The following G3BP2 variants were observed in gnomAD, a reference collection of about 807,000 sequenced individuals.
G3BP2 encodes the protein G3BP stress granule assembly factor 2.
Under a neutral mutation model 56.7 loss-of-function variants are expected in G3BP2, and 11 were observed. The ratio of observed to expected loss-of-function variants is 0.19; its 90% CI spans 0.12 to 0.32. The LOEUF (loss-of-function observed/expected upper bound fraction) is 0.32, where lower values mean the gene tolerates loss of function less well. G3BP2 is among the 10% of genes least tolerant of loss of function. G3BP2 has a pLI of 1.00. For missense variants in G3BP2, 340 were observed against 610.9 expected (o/e 0.56, Z 4.67); for synonymous variants, 165 against 191.6 (o/e 0.86, Z 1.15).
chr4:75,667,513 A>G (rs902297471), intron 1 of G3BP2, among the ~76,000 whole-genome samples: 2 of 152,204 alleles, frequency 1.3e-5, no homozygotes, highest in Non-Finnish European at 2.9e-5. Context: ...AGGAATGCAC[A>G]GTGTAAAATT....
At chr4:75,669,851 G>A (rs1733345088) in intron 1 of G3BP2, among the ~76,000 whole-genome samples, 1 of 152,048 alleles carries the variant, frequency 6.6e-6, no homozygotes, top group Admixed American at 6.6e-5. Context: ...CTAGCACTTC[G>A]GGAGGCCGAG....
At chr4:75,681,507 T>C (rs1474199992) in intron 3 of G3BP2, among the ~76,000 whole-genome samples, 1 of 152,002 alleles carries the variant, frequency 6.6e-6, no homozygotes, top group Non-Finnish European at 1.5e-5. Flanking sequence ...CGATAAAGTT[T>C]ATACATTAGG....
chr4:75,719,122 G>A, intron 3 of G3BP2, among the ~76,000 whole-genome samples: 1 of 151,978 alleles, frequency 6.6e-6, no homozygotes, highest in Non-Finnish European at 1.5e-5. Flanking sequence ...GCCGAGGCGG[G>A]CGGATCACGA....
rs1731136403 is a variant in G3BP2 at position 75,645,313 on chromosome 4, A to C, written c.*117T>G. 2.2e-6 allele frequency: 2 copies of C among 892,290 alleles called. No individual in the cohort carries two copies. 55.3% of individuals were successfully genotyped at this position (892,290 alleles called of 1,614,324 possible). ...TAACTGATAACCAAAGATGCTTTTCACATCAAAGAAATGATCAAAAAGGCT... is the reference window on the plus strand; with the variant it reads ...TAACTGATAACCAAAGATGCTTTTCCCATCAAAGAAATGATCAAAAAGGCT... On this transcript the variant is annotated 3_prime_UTR_variant, in exon 12 of 12. Transcript: ENST00000359707.
chr4:75,690,386 C>A (rs982501077), intron 3 of G3BP2, among the ~76,000 whole-genome samples: 2 of 150,910 alleles, frequency 1.3e-5, no homozygotes, highest in African/African-American at 4.9e-5. Context: ...GAGCCAAGAC[C>A]GTGCTATTGC....
intron 3 of G3BP2, among the ~76,000 whole-genome samples, chr4:75,682,224 A>C (rs577410381): frequency 2.6e-4 from 40 of 151,524 alleles, no homozygotes; most frequent in African/African-American, 9.2e-4. Context: ...AGACTATCCT[A>C]GCCAACATGG....
chr4:75,647,258 A>T (rs1169188711), intron 9 of G3BP2, 101 bp from the exon 10 acceptor site: 1 of 765,712 alleles, frequency 1.3e-6, no homozygotes. Context: ...TTCCTGTTTT[A>T]GTTTAATAAG....
intron 8 of G3BP2, among the ~76,000 whole-genome samples, chr4:75,650,525 G>A (rs1731611057): frequency 1.3e-5 from 2 of 151,226 alleles, no homozygotes; most frequent in Admixed American, 6.6e-5. Flanking sequence ...TATGCTAACA[G>A]TTTAACCAAG....
intron 3 of G3BP2, among the ~76,000 whole-genome samples, chr4:75,707,007 A>C (rs866121951): frequency 6.6e-6 from 1 of 151,592 alleles, no homozygotes; most frequent in South Asian, 2.1e-4. Flanking sequence ...AGCCTGACCA[A>C]CATGGAGAAA....
At chr4:75,714,803 A>T (rs1719875822) in intron 3 of G3BP2, among the ~76,000 whole-genome samples, 1 of 152,096 alleles carries the variant, frequency 6.6e-6, no homozygotes, top group Non-Finnish European at 1.5e-5. Context: ...TTTCTTGCCC[A>T]GAATAAGAAA....
chr4:75,713,558 GA>G (rs1186081607), intron 3 of G3BP2, among the ~76,000 whole-genome samples: 1 of 152,192 alleles, frequency 6.6e-6, no homozygotes, highest in Non-Finnish European at 1.5e-5. Context: ...CAAGGTGGAG[GA>G]TTGCTTTAGG....
At chr4:75,716,734 C>T (rs1353104034) in intron 3 of G3BP2, among the ~76,000 whole-genome samples, 1 of 152,016 alleles carries the variant, frequency 6.6e-6, no homozygotes, top group Non-Finnish European at 1.5e-5. Flanking sequence ...AGGCTGGTCT[C>T]GAACTCCCAA....
chr4:75,656,842 G>A (rs934419934), intron 5 of G3BP2, 82 bp downstream of exon 5: 64 of 709,812 alleles, frequency 9.0e-5, no homozygotes, highest in African/African-American at 2.8e-4. Context: ...GCAAATTTCC[G>A]TAGATGTCAT....
chr4:75,661,891 A>C, intron 2 of G3BP2, 40 bp downstream of exon 2: 1 of 1,035,064 alleles, frequency 9.7e-7, no homozygotes, highest in Non-Finnish European at 1.5e-6. Flanking sequence ...CCCAAGAAAA[A>C]AAGTAGATAA....
In G3BP2 at chr4:75,678,492, C is replaced by T. The variant is rs933319310; in HGVS notation, c.-24-16443G>A. Among the ~76,000 whole-genome samples the T allele has an allele frequency of 1.1e-4, 16 of 152,340 alleles. 1 individual carries two copies. Among genetic ancestry groups the T allele is most frequent in the Admixed American group, 9.8e-4 (15 of 15,306 alleles). ...TTATAGCAGCCCAAATAGACTAAAA[C>T]AAATGATAATGCTGTCAACAGCATA... On this transcript the variant is annotated intron_variant, in intron 3 of 3. Transcript: ENST00000499709.
intron 4 of G3BP2, 49 bp downstream of exon 4, chr4:75,657,508 A>C (rs2148984406): frequency 7.1e-7 from 1 of 1,404,252 alleles, no homozygotes; most frequent in African/African-American, 1.4e-5. Flanking sequence ...GGACACTTCA[A>C]CCAACTAGCA....
chr4:75,670,050 A>T (rs1733365291), intron 1 of G3BP2, among the ~76,000 whole-genome samples: 2 of 152,190 alleles, frequency 1.3e-5, no homozygotes, highest in African/African-American at 4.8e-5. Flanking sequence ...CTGAGTTGTA[A>T]GTACTTGGTA....
Position 75,647,173 on chromosome 4 carries a change from G to C in G3BP2, c.929-16C>G. 1 of 1,538,126 alleles carries C rather than the reference G, an allele frequency of 6.5e-7. No individual in the cohort carries two copies. The highest frequency in any genetic ancestry group is 8.8e-7 in the Non-Finnish European group (1 of 1,132,030). ...TCTCCTCTGCCTGAGAATAGAAATA[G>C]AGCAGATACTAAAGTTTACAATATC... On this transcript the variant is annotated splice_polypyrimidine_tract_variant and intron_variant, in intron 9 of 11. Transcript: ENST00000359707.
intron 7 of G3BP2, among the ~76,000 whole-genome samples, chr4:75,654,416 G>A (rs918285278): frequency 1.3e-5 from 2 of 152,208 alleles, no homozygotes; most frequent in Non-Finnish European, 2.9e-5. Flanking sequence ...TCCCCTTTGG[G>A]GGTAAGATAG....
Sources: gnomAD v4.1 joint callset for allele counts (sites outside exome capture counted in the v4.1 genomes callset) on GRCh38, gnomAD v4.1.1 for gene constraint, MANE v1.5 for transcripts, NCBI Gene and HGNC (gene_info 2026-07-23, HGNC 2026-07-21) for gene names.